Variants in CDC42BPB observed in about 807,000 individuals in gnomAD.
CDC42BPB encodes serine/threonine-protein kinase MRCK beta.
Under a neutral mutation model 214.9 loss-of-function variants are expected in CDC42BPB, and 37 were observed. The observed-to-expected ratio is 0.17, with a 90% CI of 0.13 to 0.23. The LOEUF (loss-of-function observed/expected upper bound fraction) is 0.23, where lower values mean the gene tolerates loss of function less well. Ranked by LOEUF, CDC42BPB falls within the 10% of genes least tolerant of loss-of-function variation. CDC42BPB has a pLI of 1.00. For synonymous variants in CDC42BPB, 931 were observed against 884.0 expected, an observed-to-expected ratio of 1.05 and a Z score of -0.94; for missense variants, 1,694 against 2,227.0, an observed-to-expected ratio of 0.76 and a Z score of 4.82.
Position 103,004,103 on chromosome 14 carries a change from C to T in CDC42BPB, c.352-80G>A. 6.9e-7 allele frequency: 1 copy of T among 1,456,010 alleles called. No individual in the cohort carries two copies. The highest frequency in any genetic ancestry group is 9.1e-7 in the Non-Finnish European group (1 of 1,098,612). 90.2% of individuals were successfully genotyped at this position (1,456,010 alleles called of 1,614,324 possible). On this transcript the variant is annotated intron_variant, in intron 3 of 36. Transcript: ENST00000361246. This position sits in a 1 kb window ranked among gnomAD's most constrained non-coding sequence, Gnocchi z 5.3. ...CGTACTGCCGGTCTCGGGGTCCCTC[C>T]TGGGACAGTGGCTCCAGCCACGGTG... is the stretch of plus-strand genomic sequence containing the variant.
chr14:102,957,628 T>G (rs944049903), intron 21 of CDC42BPB, among the ~76,000 whole-genome samples: 2 of 152,224 alleles, frequency 1.3e-5, no homozygotes, highest in Admixed American at 1.3e-4. Context: ...ATTGCCAGTT[T>G]GATAAAACAA....
intron 30 of CDC42BPB, chr14:102,940,689 CG>C: frequency 3.1e-6 from 1 of 326,014 alleles, no homozygotes; most frequent in Non-Finnish European, 5.8e-6. Context: ...AGGTAGGGGC[CG>C]ACTGTTCAGT....
intron 1 of CDC42BPB, among the ~76,000 whole-genome samples, chr14:103,032,599 G>A (rs968915819): frequency 6.9e-6 from 1 of 144,280 alleles, no homozygotes; most frequent in African/African-American, 2.5e-5. Flanking sequence ...TTAAGGAGGT[G>A]TACAATCCAA....
intron 11 of CDC42BPB, chr14:102,974,420 G>A (rs887162525): frequency 3.1e-5 from 29 of 950,624 alleles, no homozygotes; most frequent in Non-Finnish European, 3.6e-5. Context: ...GAGCCCTTGG[G>A]TGGCGCACAC....
chr14:102,950,678 A>T, intron 24 of CDC42BPB, 76 bp from the exon 25 acceptor site: 1 of 1,407,200 alleles, frequency 7.1e-7, no homozygotes, highest in South Asian at 1.6e-5. Flanking sequence ...TGCCCTGAGG[A>T]GGCAATTTAA....
chr14:102,972,236 G>T, intron 12 of CDC42BPB, 75 bp from the exon 13 acceptor site: 11 of 1,569,430 alleles, frequency 7.0e-6, no homozygotes, highest in Non-Finnish European at 7.8e-6. Flanking sequence ...GGTCTTCCAT[G>T]ATATTGAGGA....
Position 102,965,829 on chromosome 14 carries a change from G to A in CDC42BPB, c.2577+453C>T, listed in dbSNP as rs557984259. 2.0e-5 allele frequency among the ~76,000 whole-genome samples: 3 copies of A among 152,276 alleles called. No individual in the cohort carries two copies. In the South Asian group the frequency reaches 6.2e-4, roughly 32 times the overall value. ...AAATGAGCCAGGTGTAGCGGCACACGCCTGTAATCCCAGCTACTCGGGGGG... is the reference window on the plus strand; with the variant it reads ...AAATGAGCCAGGTGTAGCGGCACACACCTGTAATCCCAGCTACTCGGGGGG... On this transcript the variant is annotated intron_variant, in intron 18 of 36. Coordinates refer to ENST00000361246, the MANE Select transcript of CDC42BPB (RefSeq NM_006035.4).
At chr14:102,947,635 T>C (rs1892243577) in intron 27 of CDC42BPB, 86 bp downstream of exon 27, 1 of 1,214,136 alleles carries the variant, frequency 8.2e-7, no homozygotes, top group Non-Finnish European at 1.2e-6. Context: ...GGAGGTGCGC[T>C]GATGGCTGCC....
chr14:103,038,715 C>CGGGGGGGGGG (rs34311134), intron 1 of CDC42BPB, among the ~76,000 whole-genome samples: 1 of 29,154 alleles, frequency 3.4e-5, no homozygotes, highest in African/African-American at 1.1e-4. Context: ...TTTGTAGAGA[C>CGGGGGGGGGG]GGGGGGGGGG....
chr14:102,991,611 C>T (rs1894491271), intron 5 of CDC42BPB, among the ~76,000 whole-genome samples: 1 of 152,084 alleles, frequency 6.6e-6, no homozygotes, highest in Non-Finnish European at 1.5e-5. Context: ...GTACATGCAG[C>T]TTATTCTTAG....
intron 20 of CDC42BPB, chr14:102,959,996 C>A (rs1271364821): frequency 9.3e-6 from 2 of 215,678 alleles, no homozygotes; most frequent in Non-Finnish European, 1.6e-5. Flanking sequence ...CACCTGAGGT[C>A]AGGAGTTAAA....
intron 18 of CDC42BPB, 94 bp from the exon 19 acceptor site, chr14:102,964,744 C>T (rs1893117870): frequency 7.0e-7 from 1 of 1,432,180 alleles, no homozygotes; most frequent in African/African-American, 1.4e-5. Context: ...TAACCTTAAG[C>T]CATTACGGTC....
In CDC42BPB at chr14:103,012,360, G is replaced by A. The variant is rs190340117; in HGVS notation, c.176-172C>T. ...CACTTATACCAATGGACACAGATGT[G>A]GATCCTGAGCAACTGCAGCCACGCA... On this transcript the variant is annotated intron_variant, in intron 1 of 36. Transcript: ENST00000361246. 7.5e-6 allele frequency: 7 copies of A among 930,168 alleles called. No individual in the cohort carries two copies. In the Admixed American group the frequency reaches 2.5e-4, roughly 33 times the overall value. 57.6% of individuals were successfully genotyped at this position (930,168 alleles called of 1,614,324 possible).
At chr14:102,953,354 A>T (rs1372324616) in intron 23 of CDC42BPB, among the ~76,000 whole-genome samples, 2 of 152,246 alleles carry the variant, frequency 1.3e-5, no homozygotes, top group Non-Finnish European at 2.9e-5. Flanking sequence ...TAGGAGTGAC[A>T]CACCAGCACT....
intron 25 of CDC42BPB, chr14:102,950,215 A>C: frequency 1.6e-6 from 1 of 639,192 alleles, no homozygotes; most frequent in Non-Finnish European, 1.9e-6. Context: ...GCTTCTGCCC[A>C]CTGGCTGGAC....
chr14:103,003,816 T>G, intron 4 of CDC42BPB, 112 bp downstream of exon 4: 1 of 782,562 alleles, frequency 1.3e-6, no homozygotes, highest in Non-Finnish European at 2.0e-6. Context: ...TCGAGTCCAA[T>G]ACACATTTTT....
intron 26 of CDC42BPB, among the ~76,000 whole-genome samples, chr14:102,948,141 G>A (rs1284316307): frequency 3.3e-5 from 2 of 61,108 alleles, no homozygotes; most frequent in Non-Finnish European, 6.3e-5. Flanking sequence ...GACAAGTGGG[G>A]TGAGGGGTGT....
intron 1 of CDC42BPB, among the ~76,000 whole-genome samples, chr14:103,034,818 CAAAAA>C (rs573894825): frequency 1.6e-5 from 1 of 62,852 alleles, no homozygotes; most frequent in African/African-American, 5.3e-5. Context: ...ACTCCGTCTC[CAAAAA>C]AAAAAAAAAA....
At chr14:102,974,924 T>C (rs1014160112) in intron 11 of CDC42BPB, among the ~76,000 whole-genome samples, 1 of 152,062 alleles carries the variant, frequency 6.6e-6, no homozygotes, top group Non-Finnish European at 1.5e-5. Context: ...CCAGCCTGGG[T>C]GACAGAGTGA....
Sources: allele counts gnomAD v4.1 joint callset (sites outside exome capture counted in the v4.1 genomes callset), GRCh38; gene constraint gnomAD v4.1.1; non-coding constraint Gnocchi (gnomAD v3.1); transcripts MANE v1.5; gene names NCBI Gene and HGNC (gene_info 2026-07-23, HGNC 2026-07-21).